FARS2: variants seen among roughly 807,000 people sequenced by gnomAD.
FARS2 encodes phenylalanyl-tRNA synthetase 2, mitochondrial.
In FARS2, 40 loss-of-function variants were observed where a neutral mutation model predicts 46.4. That is an observed-to-expected ratio of 0.86 (90% CI 0.67 to 1.12). FARS2 has a LOEUF of 1.12. FARS2 is among the 50% of genes most tolerant of loss of function. The pLI is 0.00. For missense variants in FARS2, 513 were observed against 567.9 expected, an observed-to-expected ratio of 0.90 and a Z score of 0.98; for synonymous variants, 234 against 214.9, an observed-to-expected ratio of 1.09 and a Z score of -0.78.
chr6:5,588,305 C>T (rs531374688), intron 5 of FARS2, among the ~76,000 whole-genome samples: 4 of 152,176 alleles, frequency 2.6e-5, no homozygotes, highest in Admixed American at 6.5e-5. Flanking sequence ...TCCTCGGGAC[C>T]ACGCTGTGGC....
chr6:5,609,918 A>C, intron 5 of FARS2: 1 of 1,190,770 alleles, frequency 8.4e-7, no homozygotes, highest in East Asian at 2.3e-5. Flanking sequence ...GTGTTTGAGA[A>C]TCTTCTCTTG....
At chr6:5,610,234 T>C (rs148468583) in intron 5 of FARS2, 2 of 528,618 alleles carry the variant, frequency 3.8e-6, no homozygotes, top group African/African-American at 1.9e-5. Context: ...ATGATGTTTT[T>C]TCAGCAGCAT....
At chr6:5,735,062 T>A (rs1450694929) in intron 6 of FARS2, among the ~76,000 whole-genome samples, 1 of 152,222 alleles carries the variant, frequency 6.6e-6, no homozygotes, top group East Asian at 1.9e-4. Flanking sequence ...TATATTAAAA[T>A]GCAAAACAGT....
At chr6:5,444,759 A>G (rs1243971957) in intron 4 of FARS2, among the ~76,000 whole-genome samples, 1 of 143,458 alleles carries the variant, frequency 7.0e-6, no homozygotes, top group Admixed American at 7.3e-5. Context: ...TTCTTTCTTC[A>G]GGCTCATGGA....
At chr6:5,429,076 G>A (rs1459832068) in intron 3 of FARS2, among the ~76,000 whole-genome samples, 3 of 152,130 alleles carry the variant, frequency 2.0e-5, no homozygotes, top group African/African-American at 7.2e-5. Context: ...AGATGTGGGG[G>A]GTCAGGAGAA....
chr6:5,663,919 A>C (rs1403580242), intron 6 of FARS2, among the ~76,000 whole-genome samples: 1 of 152,182 alleles, frequency 6.6e-6, no homozygotes, highest in African/African-American at 2.4e-5. Flanking sequence ...TGCAGGCAGA[A>C]AGGATGGATG....
At chr6:5,257,257 C>G (rs575239029), upstream of FARS2, among the ~76,000 whole-genome samples, 5 of 152,262 alleles carry the variant, frequency 3.3e-5, no homozygotes, top group Non-Finnish European at 5.9e-5. Flanking sequence ...CACCGCCCCC[C>G]CAACCCCATC....
chr6:5,362,593 A>G (rs1203423923), intron 1 of FARS2, among the ~76,000 whole-genome samples: 1 of 152,182 alleles, frequency 6.6e-6, no homozygotes, highest in Admixed American at 6.5e-5. Flanking sequence ...TGTTATATAC[A>G]CAGAAGTGGG....
rs1037108662 is a variant in FARS2 at position 5,297,603 on chromosome 6, G to A, written c.-22+35943G>A. Among the ~76,000 whole-genome samples, 19 of 152,066 alleles carry A rather than the reference G, an allele frequency of 1.2e-4. No individual in the cohort carries two copies. The East Asian group carries it at 1.7e-3, about 14-fold the overall frequency. On this transcript the variant is annotated intron_variant, in intron 1 of 6. Coordinates refer to ENST00000274680, the MANE Select transcript of FARS2 (RefSeq NM_006567.5). ...GCGGAGGTTGCAGTGAGCCAAGATC[G>A]TGCCATTGCACTCCAGCCCGGGCAA...
At chr6:5,392,064 T>G (rs1760552296) in intron 2 of FARS2, among the ~76,000 whole-genome samples, 1 of 152,212 alleles carries the variant, frequency 6.6e-6, no homozygotes, top group Admixed American at 6.5e-5. Context: ...ATTTCAATAC[T>G]GTGGTATCTC....
rs190067091 is a variant in FARS2, at chr6:5,511,614, T to G, written c.905-33566T>G. Reference sequence around the variant, plus strand: ...AAGAGAAAAACAGAAGAGTCTCATTTCCTAAGCCAGGTAATGCCTAAGCCA... The same window carrying G: ...AAGAGAAAAACAGAAGAGTCTCATTGCCTAAGCCAGGTAATGCCTAAGCCA... On this transcript the variant is annotated intron_variant, in intron 4 of 6. Transcript: ENST00000274680. Among the ~76,000 whole-genome samples, 12 of 152,358 alleles carry G rather than the reference T, an allele frequency of 7.9e-5. 1 individual carries two copies. The highest frequency in any genetic ancestry group is 7.2e-4 in the Admixed American group (11 of 15,304).
intron 1 of FARS2, among the ~76,000 whole-genome samples, chr6:5,306,710 T>G (rs1177057380): frequency 6.6e-6 from 1 of 152,210 alleles, no homozygotes; most frequent in Non-Finnish European, 1.5e-5. Context: ...TTAATCCTAC[T>G]TTTGGATTAG....
At chr6:5,353,067 T>G (rs1328484121) in intron 1 of FARS2, among the ~76,000 whole-genome samples, 2 of 152,168 alleles carry the variant, frequency 1.3e-5, no homozygotes, top group Admixed American at 1.3e-4. Flanking sequence ...CAATCACACT[T>G]CCCTTCTACA....
chr6:5,669,584 C>G (rs567537057), intron 6 of FARS2, among the ~76,000 whole-genome samples: 9 of 152,226 alleles, frequency 5.9e-5, no homozygotes, highest in Admixed American at 4.6e-4. Flanking sequence ...TCTCAGTAGT[C>G]CTGTACTTGC....
chr6:5,493,667 T>C (rs893404096), intron 4 of FARS2, among the ~76,000 whole-genome samples: 2 of 152,190 alleles, frequency 1.3e-5, no homozygotes, highest in Non-Finnish European at 2.9e-5. Context: ...ATTTATAAAA[T>C]GGGAGCAGTA....
At chr6:5,472,457 A>T (rs971352662) in intron 4 of FARS2, among the ~76,000 whole-genome samples, 8 of 152,200 alleles carry the variant, frequency 5.3e-5, no homozygotes, top group Admixed American at 6.5e-5. Context: ...GAAAACAAAA[A>T]GGAGCAGGAG....
chr6:5,463,702 T>TA (rs35161136), intron 4 of FARS2, among the ~76,000 whole-genome samples: 168 of 149,960 alleles, frequency 1.1e-3, no homozygotes, highest in Middle Eastern at 6.8e-3. Flanking sequence ...TTTGTTTTCT[T>TA]AAAAAAAAAA....
chr6:5,513,799 A>G (rs1768604471), intron 4 of FARS2, among the ~76,000 whole-genome samples: 1 of 152,176 alleles, frequency 6.6e-6, no homozygotes, highest in South Asian at 2.1e-4. Context: ...ATTGCTGTCT[A>G]AGTGGGCACG....
chr6:5,484,762 C>A (rs749373351), intron 4 of FARS2, among the ~76,000 whole-genome samples: 2 of 152,180 alleles, frequency 1.3e-5, no homozygotes, highest in African/African-American at 2.4e-5. Context: ...CAGAGAGAAA[C>A]CTCCTAGCTG....
Sources: allele counts gnomAD v4.1 joint callset (sites outside exome capture counted in the v4.1 genomes callset), GRCh38; gene constraint gnomAD v4.1.1; transcripts MANE v1.5; gene names NCBI Gene and HGNC (gene_info 2026-07-23, HGNC 2026-07-21).